ANP32E: variants seen among roughly 807,000 people sequenced by gnomAD.
ANP32E encodes acidic nuclear phosphoprotein 32 family member E, also known as acidic leucine-rich nuclear phosphoprotein 32 family member E.
ANP32E carries 14 observed loss-of-function variants against 35.3 expected under a neutral mutation model. That is an observed-to-expected ratio of 0.40 (90% CI 0.26 to 0.62). ANP32E has a LOEUF of 0.62. Among genes scored for constraint, ANP32E ranks in the 20% least tolerant of loss-of-function variants. The pLI, the probability that ANP32E is intolerant of heterozygous loss-of-function variation, is 0.45. For missense variants in ANP32E, 198 were observed against 304.4 expected (o/e 0.65, Z 2.60); for synonymous variants, 89 against 110.4 (o/e 0.81, Z 1.22).
At chr1:150,231,970 T>C (rs1553841867) in intron 1 of ANP32E, 44 bp from the exon 2 acceptor site, 3 of 1,583,828 alleles carry the variant, frequency 1.9e-6, no homozygotes, top group Middle Eastern at 1.7e-4. Flanking sequence ...TAGTTTGTAA[T>C]CTGTTTAGGT....
At chr1:150,224,776 A>G (rs1648733711) in intron 5 of ANP32E, among the ~76,000 whole-genome samples, 1 of 152,216 alleles carries the variant, frequency 6.6e-6, no homozygotes, top group Admixed American at 6.5e-5. Flanking sequence ...TCTAAATAAG[A>G]GATGTTATTT....
chr1:150,232,169 C>T (rs1183986125), intron 1 of ANP32E, among the ~76,000 whole-genome samples: 2 of 151,134 alleles, frequency 1.3e-5, no homozygotes, highest in East Asian at 3.9e-4. Context: ...ACGGTGAAAC[C>T]CCGTCTCTAC....
At position 150,228,408 on chromosome 1, in the gene ANP32E, G is replaced by A. The variant is rs587767273; in HGVS notation, c.493+664C>T. Among the ~76,000 whole-genome samples the A allele has an allele frequency of 4.6e-5, 7 of 151,974 alleles. No homozygotes were observed. In the South Asian group the frequency reaches 6.2e-4, roughly 14 times the overall value. On this transcript the variant is annotated intron_variant, in intron 4 of 6. Coordinates refer to ENST00000583931, the MANE Select transcript of ANP32E (RefSeq NM_030920.5). ...ACCACATTTCTAAAATCTGTTCATC[G>A]GGCCGGGGCGTGGTGGCTCACGCTG... is the stretch of plus-strand genomic sequence containing the variant.
At position 150,229,097 on chromosome 1, in the gene ANP32E, C is replaced by T. The variant is rs782643352; in HGVS notation, c.468G>A (p.Pro156=). 8.7e-6 allele frequency: 14 copies of T among 1,612,974 alleles called. No homozygotes were observed. Among genetic ancestry groups the T allele is most frequent in the South Asian group, 3.3e-5 (3 of 90,978 alleles). Residue 156 remains proline, a synonymous_variant, in exon 4 of 7, where the codon CCG becomes CCA. Coordinates refer to ENST00000583931, the MANE Select transcript of ANP32E (RefSeq NM_030920.5). ...CCTCATCATCCTCCTCTTCAGAGTC[C>T]GGCGCTTCATTATCCTCCTGATCAA... ...DGFDQEDNEA[P]DSEEEDDEDG...
intron 1 of ANP32E, among the ~76,000 whole-genome samples, chr1:150,232,670 G>A (rs1293004268): frequency 1.3e-5 from 2 of 151,528 alleles, no homozygotes; most frequent in Non-Finnish European, 2.9e-5. Flanking sequence ...ACAGGGTTTT[G>A]CCATGTTGGC....
chr1:150,234,720 G>C (rs1020407109), intron 1 of ANP32E: 1 of 972,490 alleles, frequency 1.0e-6, no homozygotes, highest in South Asian at 4.8e-5. Context: ...AGGAAAAAAC[G>C]GGTCGCCTCC....
At chr1:150,224,906 A>G (rs1044286588) in intron 5 of ANP32E, among the ~76,000 whole-genome samples, 2 of 152,210 alleles carry the variant, frequency 1.3e-5, no homozygotes, top group Admixed American at 6.5e-5. Flanking sequence ...GTCAACTGAC[A>G]TTTCCCATGA....
At chr1:150,230,944 T>C (rs781829927) in intron 2 of ANP32E, among the ~76,000 whole-genome samples, 1 of 152,252 alleles carries the variant, frequency 6.6e-6, no homozygotes, top group African/African-American at 2.4e-5. Context: ...GGTTTCACCA[T>C]GTTAGCCAGG....
chr1:150,218,688 C>T lies in ANP32E; in HGVS notation c.*2003G>A, dbSNP rs980447918. ...CATACAAAGAGCATTAAAATAGGAC[C>T]GAAAACTTCTACAAAATATAAAACC... On this transcript the variant is annotated 3_prime_UTR_variant, in exon 7 of 7. Transcript: ENST00000583931. The T allele has an allele frequency of 1.1e-4, 17 of 152,416 alleles. No homozygotes were observed. Among genetic ancestry groups the T allele is most frequent in the African/African-American group, 4.1e-4 (17 of 41,376 alleles). The allele number at this position is 152,416 out of a possible 1,614,324, so 9.4% of individuals were successfully genotyped here.
In ANP32E at chr1:150,236,063, T is replaced by TAC. The variant is rs375641800; in HGVS notation, c.-279_-278dup. The stretch of plus-strand genomic sequence containing the variant: ...GCGCGCACACACATACACACACACA[T>TAC]ACACACACACACCCGCAGTTCCTTC... On this transcript the variant is annotated 5_prime_UTR_variant, in exon 1 of 7. Coordinates refer to ENST00000583931, the MANE Select transcript of ANP32E (RefSeq NM_030920.5). The TAC allele has an allele frequency of 6.9e-3, 2,617 of 380,576 alleles. 74 individuals carry two copies. Among genetic ancestry groups the TAC allele is most frequent in the African/African-American group, 0.052 (2,441 of 47,370 alleles). The allele number at this position is 380,576 out of a possible 1,614,324, so 23.6% of individuals were successfully genotyped here. A position where few individuals can be genotyped will look rare whatever the true frequency, so the allele number is the denominator to read the frequency against.
At chr1:150,225,495 C>A (rs1648787294) in intron 5 of ANP32E, among the ~76,000 whole-genome samples, 1 of 151,366 alleles carries the variant, frequency 6.6e-6, no homozygotes, top group Non-Finnish European at 1.5e-5. Flanking sequence ...CATGGTGAAA[C>A]CCTGTCTCTA....
chr1:150,222,286 G>T (rs931573028), intron 6 of ANP32E, among the ~76,000 whole-genome samples: 2 of 151,426 alleles, frequency 1.3e-5, no homozygotes, highest in Non-Finnish European at 3.0e-5. Context: ...CAGGCGTGGT[G>T]GCGGCGCCTA....
intron 1 of ANP32E, among the ~76,000 whole-genome samples, chr1:150,232,467 C>CTTTTTTTTG: frequency 7.1e-6 from 1 of 141,148 alleles, no homozygotes; most frequent in African/African-American, 2.6e-5. Context: ...TTTTAAATTT[C>CTTTTTTTTG]TTTTTTCTTT....
In ANP32E at chr1:150,235,923, A is replaced by G. The variant is rs1224176330; in HGVS notation, c.-137T>C. The G allele has an allele frequency of 1.5e-6, 1 of 653,446 alleles. No individual in the cohort carries two copies. Among genetic ancestry groups the G allele is most frequent in the Admixed American group, 2.5e-5 (1 of 39,672 alleles). The allele number at this position is 653,446 out of a possible 1,614,324, so 40.5% of individuals were successfully genotyped here. A position where few individuals can be genotyped will look rare whatever the true frequency, so the allele number is the denominator to read the frequency against. On this transcript the variant is annotated 5_prime_UTR_variant, in exon 1 of 7. Coordinates refer to ENST00000583931, the MANE Select transcript of ANP32E (RefSeq NM_030920.5). The surrounding 1 kb of genome is among the most constrained non-coding windows in gnomAD (Gnocchi z 4.2). Reference sequence around the variant, plus strand: ...TATAAACGCCCACTACCACCACCAGATAGGTGTGGGGGAGAAAGAAGAGAA... The same window carrying G: ...TATAAACGCCCACTACCACCACCAGGTAGGTGTGGGGGAGAAAGAAGAGAA...
intron 6 of ANP32E, among the ~76,000 whole-genome samples, chr1:150,222,289 G>A (rs1342542932): frequency 6.6e-6 from 1 of 150,900 alleles, no homozygotes; most frequent in Non-Finnish European, 1.5e-5. Context: ...GCGTGGTGGC[G>A]GCGCCTATAG....
Position 150,220,650 on chromosome 1 carries a change from T to G in ANP32E, c.*41A>C. 5.1e-6 allele frequency: 8 copies of G among 1,570,252 alleles called. No homozygotes were observed. The highest frequency in any genetic ancestry group is 7.0e-6 in the Non-Finnish European group (8 of 1,140,426). On this transcript the variant is annotated 3_prime_UTR_variant, in exon 7 of 7. Transcript: ENST00000583931. ...AGAAACAAAGATGTGATCACTCTAT[T>G]GCACACCCAGAAACATTAGAGAATC...
chr1:150,224,579 A>AT (rs1648720423), intron 5 of ANP32E, among the ~76,000 whole-genome samples: 2 of 880 alleles, frequency 2.3e-3, no homozygotes, highest in Non-Finnish European at 6.3e-3. Context: ...GTCTCAAAAA[A>AT]GAAAAAAAAA....
At chr1:150,234,022 T>G (rs1649571703) in intron 1 of ANP32E, among the ~76,000 whole-genome samples, 1 of 152,148 alleles carries the variant, frequency 6.6e-6, no homozygotes, top group South Asian at 2.1e-4. Context: ...CAATCCACCT[T>G]ACAAGTACGT....
In ANP32E at chr1:150,219,641, C is replaced by T. The variant is rs1648182907; in HGVS notation, c.*1050G>A. On this transcript the variant is annotated 3_prime_UTR_variant, in exon 7 of 7. Coordinates refer to ENST00000583931, the MANE Select transcript of ANP32E (RefSeq NM_030920.5). ...AACACTAACACTGCTTCCAAAAGCA[C>T]CCCTGCTTTTCTTTCTTCATCCCAC... 6.6e-6 allele frequency: 1 copy of T among 152,172 alleles called. No homozygotes were observed. Among genetic ancestry groups the T allele is most frequent in the South Asian group, 2.1e-4 (1 of 4,836 alleles). 9.4% of individuals were successfully genotyped at this position (152,172 alleles called of 1,614,324 possible).
Sources: allele counts gnomAD v4.1 joint callset (sites outside exome capture counted in the v4.1 genomes callset), GRCh38; gene constraint gnomAD v4.1.1; non-coding constraint Gnocchi (gnomAD v3.1); transcripts MANE v1.5; gene names NCBI Gene and HGNC (gene_info 2026-07-23, HGNC 2026-07-21).